The following ACAD10 variants were observed in gnomAD, a reference collection of about 807,000 sequenced individuals.
ACAD10 encodes the protein ACAD-10.
In ACAD10, 112 loss-of-function variants were observed where a neutral mutation model predicts 116.8. The observed-to-expected ratio is 0.96, with a 90% confidence interval of 0.82 to 1.12. The LOEUF (loss-of-function observed/expected upper bound fraction) is 1.12. ACAD10 is among the 50% of genes most tolerant of loss of function. The probability of loss-of-function intolerance (pLI) is 0.00; values close to 1 mark genes in which losing one functional copy is unlikely to be tolerated. For synonymous variants in ACAD10, 486 were observed against 510.6 expected (o/e 0.95, Z 0.65); for missense variants, 1,259 against 1,350.2 (o/e 0.93, Z 1.06).
intron 11 of ACAD10, among the ~76,000 whole-genome samples, chr12:111,734,597 C>G (rs557241763): frequency 6.6e-6 from 1 of 152,152 alleles, no homozygotes; most frequent in Non-Finnish European, 1.5e-5. Flanking sequence ...GCACTCCAGC[C>G]TGGGCAACAG....
At chr12:111,699,600 T>C (rs1283885656) in intron 2 of ACAD10, among the ~76,000 whole-genome samples, 4 of 152,068 alleles carry the variant, frequency 2.6e-5, no homozygotes, top group African/African-American at 4.8e-5. Flanking sequence ...AGGATCTAGT[T>C]TGGAGGTTAG....
At chr12:111,748,847 A>G (rs1889990053) in intron 17 of ACAD10, 8 of 743,274 alleles carry the variant, frequency 1.1e-5, no homozygotes, top group African/African-American at 1.7e-5. Context: ...GTTCTCTGCT[A>G]ATAGTGTTCA....
At chr12:111,699,361 CA>C (rs1254124585) in intron 2 of ACAD10, among the ~76,000 whole-genome samples, 1 of 152,048 alleles carries the variant, frequency 6.6e-6, no homozygotes, top group Non-Finnish European at 1.5e-5. Flanking sequence ...GCATAAAATA[CA>C]GATAAAATTT....
At chr12:111,705,449 C>T (rs1714396021) in intron 3 of ACAD10, among the ~76,000 whole-genome samples, 1 of 151,910 alleles carries the variant, frequency 6.6e-6, no homozygotes, top group South Asian at 2.1e-4. Flanking sequence ...TGTCAAAATC[C>T]TGAGCTCAAG....
At chr12:111,746,952 A>T (rs748035758) in intron 14 of ACAD10, 97 bp from the exon 15 acceptor site, 61 of 1,482,644 alleles carry the variant, frequency 4.1e-5, no homozygotes, top group Non-Finnish European at 5.2e-5. Flanking sequence ...GTGAGCCATG[A>T]TCGTGCCACG....
chr12:111,731,156 C>T (rs989116378), intron 10 of ACAD10, among the ~76,000 whole-genome samples: 7 of 152,206 alleles, frequency 4.6e-5, no homozygotes, highest in Admixed American at 1.3e-4. Context: ...CGGTGTCCCT[C>T]GCTCCCGGCT....
intron 7 of ACAD10, among the ~76,000 whole-genome samples, 185 bp downstream of exon 7, chr12:111,716,147 T>C (rs1888841265): frequency 6.6e-6 from 1 of 152,106 alleles, no homozygotes; most frequent in Admixed American, 6.6e-5. Context: ...AAGAGGATCA[T>C]TGAGCCCAAG....
At chr12:111,708,977 G>A (rs1888590266) in intron 4 of ACAD10, among the ~76,000 whole-genome samples, 1 of 150,874 alleles carries the variant, frequency 6.6e-6, no homozygotes, top group Non-Finnish European at 1.5e-5. Flanking sequence ...GTATGGATGG[G>A]TTTTTAACCT....
chr12:111,727,798 G>T (rs189124666), intron 8 of ACAD10, among the ~76,000 whole-genome samples, 164 bp from the exon 9 acceptor site: 1 of 152,244 alleles, frequency 6.6e-6, no homozygotes, highest in Admixed American at 6.5e-5. Flanking sequence ...CTAATGCACT[G>T]TGCTTATGTG....
intron 3 of ACAD10, among the ~76,000 whole-genome samples, chr12:111,705,135 A>G (rs1214517737): frequency 6.6e-6 from 1 of 152,110 alleles, no homozygotes; most frequent in Non-Finnish European, 1.5e-5. Context: ...CATATACTTC[A>G]TATACTTTTA....
intron 3 of ACAD10, among the ~76,000 whole-genome samples, chr12:111,704,593 CTG>C (rs1300823549): frequency 3.3e-5 from 5 of 151,798 alleles, no homozygotes; most frequent in African/African-American, 4.8e-5. Flanking sequence ...GTTCTAAAAT[CTG>C]TGTGTGTATA....
intron 12 of ACAD10, among the ~76,000 whole-genome samples, chr12:111,742,442 C>T (rs530449467): frequency 8.9e-4 from 135 of 152,280 alleles, no homozygotes; most frequent in Middle Eastern, 3.4e-3. Flanking sequence ...AGAAGGTCCT[C>T]AGTAGAGACC....
chr12:111,748,556 C>A, intron 17 of ACAD10, 81 bp downstream of exon 17: 1 of 1,493,490 alleles, frequency 6.7e-7, no homozygotes, highest in South Asian at 1.2e-5. Flanking sequence ...TGCTCTTGTT[C>A]AGGACTTGCC....
At chr12:111,737,031 C>T (rs970933402) in intron 12 of ACAD10, 27 bp downstream of exon 12, 3 of 1,609,164 alleles carry the variant, frequency 1.9e-6, no homozygotes, top group Middle Eastern at 1.7e-4. Context: ...CCTGAAGAGC[C>T]ACTGCGGGGT....
intron 6 of ACAD10, among the ~76,000 whole-genome samples, chr12:111,713,624 CA>C (rs35030891): frequency 0.052 from 5,838 of 112,634 alleles, 393 homozygotes; most frequent in African/African-American, 0.17. Flanking sequence ...GACTCCATCT[CA>C]AAAAAAAAAA....
At chr12:111,756,176 G>A (rs537352323) in intron 20 of ACAD10, 157 bp from the exon 21 acceptor site, 3 of 1,428,338 alleles carry the variant, frequency 2.1e-6, no homozygotes, top group South Asian at 3.1e-5. Flanking sequence ...TGGCCCCATG[G>A]AAGCCCTCTG....
At chr12:111,732,673 A>G (rs1236775546) in intron 10 of ACAD10, among the ~76,000 whole-genome samples, 1 of 152,228 alleles carries the variant, frequency 6.6e-6, no homozygotes, top group Admixed American at 6.5e-5. Context: ...CAGGAAACAG[A>G]AAGCATGAAA....
At chr12:111,723,572 G>T (rs1327601618) in intron 8 of ACAD10, among the ~76,000 whole-genome samples, 1 of 141,746 alleles carries the variant, frequency 7.1e-6, no homozygotes, top group Non-Finnish European at 1.6e-5. Flanking sequence ...CCTCCCGGAC[G>T]GGGTGGCTGG....
intron 8 of ACAD10, 35 bp downstream of exon 8, chr12:111,721,774 A>G (rs1889020953): frequency 1.9e-6 from 3 of 1,546,734 alleles, no homozygotes; most frequent in Non-Finnish European, 1.8e-6. Flanking sequence ...TGCACTTTCA[A>G]GCTACAGGAG....
Sources: gnomAD v4.1 joint callset for allele counts (sites outside exome capture counted in the v4.1 genomes callset) on GRCh38, gnomAD v4.1.1 for gene constraint, MANE v1.5 for transcripts, NCBI Gene and HGNC (gene_info 2026-07-23, HGNC 2026-07-21) for gene names.